ANKS6: variants seen among roughly 807,000 people sequenced by gnomAD.
ANKS6 encodes ankyrin repeat and SAM domain-containing protein 6.
Under a neutral mutation model 77.9 loss-of-function variants are expected in ANKS6, and 47 were observed. The observed-to-expected ratio is 0.60, with a 90% CI of 0.48 to 0.77. The LOEUF is 0.77. Ranked by LOEUF, ANKS6 falls within the 30% of genes least tolerant of loss-of-function variation. The pLI is 0.00. For missense variants in ANKS6, 1,150 were observed against 1,159.1 expected (o/e 0.99, Z 0.11); for synonymous variants, 488 against 501.7 (o/e 0.97, Z 0.37).
At position 98,781,538 on chromosome 9, in the gene ANKS6, G is replaced by A. The variant is rs78631149; in HGVS notation, c.1219+929C>T. Among the ~76,000 whole-genome samples, 471 of 152,270 alleles carry A rather than the reference G, an allele frequency of 3.1e-3. 3 individuals are homozygous for A. The highest frequency in any genetic ancestry group is 0.01 in the African/African-American group (430 of 41,540). On this transcript the variant is annotated intron_variant, in intron 5 of 14. Coordinates refer to ENST00000353234, the MANE Select transcript of ANKS6 (RefSeq NM_173551.5). ...CTCTGGCTGGGACAGATCACTTCCCGAGTCTTGGCGACCTCATCTCTTCAA... is the reference window on the plus strand; with the variant it reads ...CTCTGGCTGGGACAGATCACTTCCCAAGTCTTGGCGACCTCATCTCTTCAA...
At chr9:98,772,757 G>A (rs1045620684) in intron 9 of ANKS6, among the ~76,000 whole-genome samples, 1 of 152,144 alleles carries the variant, frequency 6.6e-6, no homozygotes, top group Non-Finnish European at 1.5e-5. Context: ...CTCCACTGGG[G>A]AGAAAACTCT....
intron 14 of ANKS6, among the ~76,000 whole-genome samples, chr9:98,740,049 A>G: frequency 6.6e-6 from 1 of 152,188 alleles, no homozygotes. Flanking sequence ...AAAATTAATA[A>G]ATATGGTCAA....
In ANKS6 at chr9:98,783,999, C is replaced by T. The variant is rs1834420191; in HGVS notation, c.1066G>A (p.Asp356Asn). Reference sequence around the variant, plus strand: ...AGGGCCGTCCAGCCATGCACGCTGTCCTGCTTGTCAACATCCGCGTGCCTC... The same window carrying T: ...AGGGCCGTCCAGCCATGCACGCTGTTCTGCTTGTCAACATCCGCGTGCCTC... Reference protein sequence around the residue: ...VERHADVDKQDSVHGWTALMQ... With the variant: ...VERHADVDKQNSVHGWTALMQ... The change falls in exon 4 of 15, where the codon GAC (aspartate) becomes AAC (asparagine). Residue 356 changes from aspartate (D) to asparagine (N), a missense_variant. Physicochemically the swap from Asp to Asn is conservative, Grantham distance 23. Transcript: ENST00000353234. 6.2e-7 allele frequency: 1 copy of T among 1,609,778 alleles called. No homozygotes were observed. Among genetic ancestry groups the T allele is most frequent in the Non-Finnish European group, 8.5e-7 (1 of 1,179,252 alleles).
At chr9:98,767,440 A>C (rs1833362637) in intron 11 of ANKS6, among the ~76,000 whole-genome samples, 1 of 151,846 alleles carries the variant, frequency 6.6e-6, no homozygotes, top group South Asian at 2.1e-4. Flanking sequence ...AGGGCCCCCC[A>C]CCTGTGCCCC....
At chr9:98,758,324 C>CTTTTTTTTTTTTTTTTTTTT (rs35699060) in intron 11 of ANKS6, among the ~76,000 whole-genome samples, 1 of 134,868 alleles carries the variant, frequency 7.4e-6, no homozygotes. Flanking sequence ...CGCCATCTTT[C>CTTTTTTTTTTTTTTTTTTTT]TTTTTTTTTT....
At chr9:98,774,114 C>G in intron 8 of ANKS6, 34 bp from the exon 9 acceptor site, 2 of 1,409,414 alleles carry the variant, frequency 1.4e-6, no homozygotes, top group East Asian at 2.7e-5. Flanking sequence ...AGACAAGCCC[C>G]CAGGAGGGCT....
intron 13 of ANKS6, among the ~76,000 whole-genome samples, 161 bp from the exon 14 acceptor site, chr9:98,745,836 A>G (rs1358418695): frequency 6.6e-6 from 1 of 152,190 alleles, no homozygotes; most frequent in Non-Finnish European, 1.5e-5. Context: ...AGTTTCGTTG[A>G]AAACATTTTT....
chr9:98,788,229 A>C (rs1834687781), intron 2 of ANKS6, among the ~76,000 whole-genome samples: 1 of 152,216 alleles, frequency 6.6e-6, no homozygotes, highest in Non-Finnish European at 1.5e-5. Flanking sequence ...GTGAAGATTC[A>C]AGATGCAGAG....
At chr9:98,788,939 T>C (rs1469772145) in intron 2 of ANKS6, among the ~76,000 whole-genome samples, 4 of 152,198 alleles carry the variant, frequency 2.6e-5, no homozygotes, top group Non-Finnish European at 5.9e-5. Context: ...TTTTTCCTTT[T>C]CATTTGAGCA....
rs570070570 is a variant in ANKS6, at chr9:98,752,739, G to C, written c.2327-1643C>G. On this transcript the variant is annotated intron_variant, in intron 12 of 14. Coordinates refer to ENST00000353234, the MANE Select transcript of ANKS6 (RefSeq NM_173551.5). ...TCCTGCTAGTCCGTGGCAAAGCAGG[G>C]ACTCAAGCCCAGTGGTCTAGCTACC... Among the ~76,000 whole-genome samples the C allele has an allele frequency of 5.5e-4, 84 of 152,296 alleles. 1 individual carries two copies. Among genetic ancestry groups the C allele is most frequent in the Middle Eastern group, 3.4e-3 (1 of 294 alleles).
intron 9 of ANKS6, among the ~76,000 whole-genome samples, chr9:98,771,536 G>A (rs1224867916): frequency 6.6e-6 from 1 of 152,076 alleles, no homozygotes; most frequent in Non-Finnish European, 1.5e-5. Context: ...ATTGTCCCTG[G>A]TGCCAGTGCT....
At chr9:98,792,349 G>A (rs376537067) in intron 1 of ANKS6, among the ~76,000 whole-genome samples, 2 of 151,998 alleles carry the variant, frequency 1.3e-5, no homozygotes, top group African/African-American at 4.8e-5. Context: ...GGCTGCACGT[G>A]AGCCCTCTTT....
In ANKS6 at chr9:98,766,804, T is replaced by C. The variant is rs7858893; in HGVS notation, c.2142+1277A>G. 6.9e-3 allele frequency among the ~76,000 whole-genome samples: 1,057 copies of C among 152,246 alleles called. 11 individuals are homozygous for C. The highest frequency in any genetic ancestry group is 0.024 in the African/African-American group (992 of 41,550). ...ACAGTACATGTACATCCTGGGAGCA[T>C]AAATCTCTGGAGGCGCTTCTTTGGT... On this transcript the variant is annotated intron_variant, in intron 11 of 14. Coordinates refer to ENST00000353234, the MANE Select transcript of ANKS6 (RefSeq NM_173551.5).
At position 98,735,092 on chromosome 9, in the gene ANKS6, C is replaced by T. The variant is rs1831424322; in HGVS notation, c.*1427G>A. ...GAGACCAACTTGTGGCTCAGCATGGCTCAAGGTAGAGATCAGAATTCTGTG... is the reference window on the plus strand; with the variant it reads ...GAGACCAACTTGTGGCTCAGCATGGTTCAAGGTAGAGATCAGAATTCTGTG... On this transcript the variant is annotated 3_prime_UTR_variant, in exon 15 of 15. Coordinates refer to ENST00000353234, the MANE Select transcript of ANKS6 (RefSeq NM_173551.5). 3.0e-6 allele frequency: 3 copies of T among 985,362 alleles called. No homozygotes were observed. Among genetic ancestry groups the T allele is most frequent in the South Asian group, 4.7e-5 (1 of 21,284 alleles). The allele number at this position is 985,362 out of a possible 1,614,324, so 61.0% of individuals were successfully genotyped here. A position where few individuals can be genotyped will look rare whatever the true frequency, so the allele number is the denominator to read the frequency against.
chr9:98,783,912 C>G (rs370348870), intron 4 of ANKS6, 41 bp downstream of exon 4: 2 of 1,458,318 alleles, frequency 1.4e-6, no homozygotes, highest in East Asian at 2.6e-5. Flanking sequence ...GCCAGAGCAT[C>G]TGTCTGGCCT....
chr9:98,788,712 A>G (rs536074609), intron 2 of ANKS6, among the ~76,000 whole-genome samples: 61 of 152,322 alleles, frequency 4.0e-4, no homozygotes, highest in African/African-American at 1.5e-3. Flanking sequence ...CAGAAGAGTC[A>G]TGTGTTAAAC....
At chr9:98,771,731 G>A (rs1053501099) in intron 9 of ANKS6, among the ~76,000 whole-genome samples, 3 of 151,862 alleles carry the variant, frequency 2.0e-5, no homozygotes, top group African/African-American at 4.8e-5. Context: ...CTCCCACAGC[G>A]GCTCCTCCCG....
At position 98,796,134 on chromosome 9, in the gene ANKS6, TG is replaced by T; in HGVS notation, c.357del (p.Arg120AspfsTer5). The T allele has an allele frequency of 7.3e-7, 1 of 1,372,514 alleles. No individual in the cohort carries two copies. Among genetic ancestry groups the T allele is most frequent in the Non-Finnish European group, 9.4e-7 (1 of 1,062,210 alleles). The allele number at this position is 1,372,514 out of a possible 1,614,324, so 85.0% of individuals were successfully genotyped here. A position where few individuals can be genotyped will look rare whatever the true frequency, so the allele number is the denominator to read the frequency against. Reference protein sequence around the residue: ...HYGWSALMQAARFGHVSVAHL... With the variant: ...HYGWSALMQAXRFGHVSVAHL... ...GGCCCCCGGGCCCCGCCGCCTCACC[TG>T]GCCGCCTGCATGAGCGCGCTCCAGC... On this transcript the variant is annotated frameshift_variant and splice_region_variant, in exon 1 of 15. Coordinates refer to ENST00000353234, the MANE Select transcript of ANKS6 (RefSeq NM_173551.5). LOFTEE classifies it high-confidence loss of function.
chr9:98,790,702 G>A, intron 1 of ANKS6, 96 bp from the exon 2 acceptor site: 2 of 1,466,218 alleles, frequency 1.4e-6, no homozygotes, highest in Non-Finnish European at 9.3e-7. Context: ...AGTCCTGACA[G>A]CTGCTCATGA....
Sources: gnomAD v4.1 joint callset for allele counts (sites outside exome capture counted in the v4.1 genomes callset) on GRCh38, gnomAD v4.1.1 for gene constraint, MANE v1.5 for transcripts, NCBI Gene and HGNC (gene_info 2026-07-23, HGNC 2026-07-21) for gene names.